Variants in CTNNA3 observed in about 807,000 individuals in gnomAD.
CTNNA3 encodes catenin alpha-3.
Under a neutral mutation model 95.7 loss-of-function variants are expected in CTNNA3, and 76 were observed. That is an observed-to-expected ratio of 0.79 (90% CI 0.66 to 0.96). The LOEUF (loss-of-function observed/expected upper bound fraction) is 0.96. CTNNA3 is among the 40% of genes least tolerant of loss of function. CTNNA3 has a pLI of 0.00. For missense variants in CTNNA3, 1,191 were observed against 1,089.8 expected, an observed-to-expected ratio of 1.09 and a Z score of -1.31; for synonymous variants, 431 against 374.4, an observed-to-expected ratio of 1.15 and a Z score of -1.74.
chr10:67,141,530 T>A (rs1860567310), intron 7 of CTNNA3, among the ~76,000 whole-genome samples: 1 of 152,130 alleles, frequency 6.6e-6, no homozygotes, highest in African/African-American at 2.4e-5. Flanking sequence ...AATTACCCCC[T>A]TGGAATAGAG....
intron 1 of CTNNA3, among the ~76,000 whole-genome samples, chr10:67,703,061 C>T (rs1841053997): frequency 1.3e-5 from 2 of 152,136 alleles, no homozygotes; most frequent in South Asian, 4.1e-4. Context: ...ATACACCCTC[C>T]CAAGACTAAA....
At chr10:66,326,247 A>G (rs1406372049) in intron 12 of CTNNA3, among the ~76,000 whole-genome samples, 4 of 152,114 alleles carry the variant, frequency 2.6e-5, no homozygotes, top group African/African-American at 9.7e-5. Flanking sequence ...GAAGGACACT[A>G]ATACTTGATC....
intron 12 of CTNNA3, among the ~76,000 whole-genome samples, chr10:66,342,179 A>G (rs747473411): frequency 6.6e-6 from 1 of 151,982 alleles, no homozygotes; most frequent in Non-Finnish European, 1.5e-5. Context: ...CAAATAGTCT[A>G]AACCGTACTT....
At chr10:66,469,522 T>C (rs554227711) in intron 11 of CTNNA3, among the ~76,000 whole-genome samples, 1 of 150,678 alleles carries the variant, frequency 6.6e-6, no homozygotes, top group African/African-American at 2.5e-5. Flanking sequence ...ATGTATGTTA[T>C]TTATCGTTAA....
chr10:66,314,291 T>A (rs1266110891), intron 12 of CTNNA3, among the ~76,000 whole-genome samples: 4 of 152,180 alleles, frequency 2.6e-5, no homozygotes, highest in Admixed American at 6.6e-5. Flanking sequence ...GATGATGCCA[T>A]GATGAAATAA....
chr10:67,469,508 A>T (rs1420923978), intron 5 of CTNNA3, among the ~76,000 whole-genome samples: 1 of 151,948 alleles, frequency 6.6e-6, no homozygotes, highest in Non-Finnish European at 1.5e-5. Flanking sequence ...AACACAGGAA[A>T]ACAGAAAACC....
At chr10:66,603,034 G>C (rs984785213) in intron 10 of CTNNA3, among the ~76,000 whole-genome samples, 2 of 152,074 alleles carry the variant, frequency 1.3e-5, no homozygotes, top group Admixed American at 6.5e-5. Flanking sequence ...CCTGGAACAA[G>C]TCTACGATGC....
intron 13 of CTNNA3, among the ~76,000 whole-genome samples, chr10:66,210,022 TA>T (rs1405074265): frequency 2.6e-5 from 4 of 152,090 alleles, no homozygotes; most frequent in Non-Finnish European, 4.4e-5. Flanking sequence ...TCTCGGATCT[TA>T]AAATCACAGT....
chr10:66,182,260 T>C (rs567184254), intron 13 of CTNNA3, among the ~76,000 whole-genome samples: 152 of 150,568 alleles, frequency 1.0e-3, no homozygotes, highest in Non-Finnish European at 1.6e-3. Flanking sequence ...ACATTTCTTT[T>C]TTTTTTTTTT....
At chr10:66,879,794 C>T (rs574212608) in intron 7 of CTNNA3, among the ~76,000 whole-genome samples, 19 of 152,062 alleles carry the variant, frequency 1.2e-4, no homozygotes, top group South Asian at 4.2e-4. Flanking sequence ...ACCTGGGCAA[C>T]GCATGTTTAG....
At chr10:66,689,342 T>C (rs1298918101) in intron 9 of CTNNA3, among the ~76,000 whole-genome samples, 1 of 152,178 alleles carries the variant, frequency 6.6e-6, no homozygotes. Flanking sequence ...GCCTGGACAG[T>C]TGTCCCATAA....
At chr10:67,065,642 C>G (rs961690640) in intron 7 of CTNNA3, among the ~76,000 whole-genome samples, 3 of 152,012 alleles carry the variant, frequency 2.0e-5, no homozygotes, top group African/African-American at 7.2e-5. Context: ...CAATAAAATT[C>G]TCCAGTGCCT....
At chr10:66,213,671 A>G (rs2088322203) in intron 13 of CTNNA3, among the ~76,000 whole-genome samples, 1 of 152,152 alleles carries the variant, frequency 6.6e-6, no homozygotes, top group Non-Finnish European at 1.5e-5. Context: ...ATCACATACT[A>G]TGAACTAATT....
chr10:67,051,192 T>C (rs1193830452), intron 7 of CTNNA3, among the ~76,000 whole-genome samples: 1 of 152,212 alleles, frequency 6.6e-6, no homozygotes, highest in Non-Finnish European at 1.5e-5. Context: ...GGTGAATTAT[T>C]ATTCCTCTAG....
At chr10:66,496,141 A>C (rs896204115) in intron 11 of CTNNA3, among the ~76,000 whole-genome samples, 2 of 152,170 alleles carry the variant, frequency 1.3e-5, no homozygotes, top group African/African-American at 4.8e-5. Context: ...TGAGCAATAT[A>C]TGTCATGTGT....
intron 2 of CTNNA3, among the ~76,000 whole-genome samples, chr10:67,634,387 C>T (rs1039130372): frequency 6.6e-6 from 1 of 152,262 alleles, no homozygotes; most frequent in South Asian, 2.1e-4. Flanking sequence ...CTGAAGTACA[C>T]AGACCAGTGA....
At chr10:67,068,931 G>C (rs1267271570) in intron 7 of CTNNA3, among the ~76,000 whole-genome samples, 2 of 151,988 alleles carry the variant, frequency 1.3e-5, no homozygotes, top group Non-Finnish European at 2.9e-5. Context: ...CTGGTGGCAG[G>C]TACCTGTAAT....
At chr10:66,957,450 A>G (rs1298899642) in intron 7 of CTNNA3, among the ~76,000 whole-genome samples, 1 of 35,526 alleles carries the variant, frequency 2.8e-5, no homozygotes, top group Non-Finnish European at 6.0e-5. Flanking sequence ...ATGCATATAT[A>G]TATATGCATA....
intron 17 of CTNNA3, among the ~76,000 whole-genome samples, chr10:65,926,514 T>A (rs1564519646): frequency 6.6e-6 from 1 of 151,630 alleles, no homozygotes; most frequent in African/African-American, 2.4e-5. Context: ...TTCACTCTTG[T>A]TGCCCAGGCT....
Sources: gnomAD v4.1 joint callset for allele counts (sites outside exome capture counted in the v4.1 genomes callset) on GRCh38, gnomAD v4.1.1 for gene constraint, MANE v1.5 for transcripts, NCBI Gene and HGNC (gene_info 2026-07-23, HGNC 2026-07-21) for gene names.